CNTLN: variants seen among roughly 807,000 people sequenced by gnomAD.
CNTLN encodes centlein, also known as centlein, centrosomal protein.
In CNTLN, 212 loss-of-function variants were observed where a neutral mutation model predicts 180.0. That is an observed-to-expected ratio of 1.18 (90% CI 1.05 to 1.32). CNTLN has a LOEUF of 1.32. Ranked by LOEUF, CNTLN falls within the 40% of genes most tolerant of loss-of-function variation. CNTLN has a pLI of 0.00. For synonymous variants in CNTLN, 722 were observed against 563.1 expected (o/e 1.28, Z -3.99); for missense variants, 2,095 against 1,610.9 (o/e 1.30, Z -5.14).
intron 5 of CNTLN, among the ~76,000 whole-genome samples, chr9:17,249,620 A>C (rs922202486): frequency 6.6e-6 from 1 of 151,986 alleles, no homozygotes; most frequent in African/African-American, 2.4e-5. Flanking sequence ...AAGTGCTGGG[A>C]TTACAGGCAC....
Position 17,338,338 on chromosome 9 carries a change from T to TTTTTTTTG in CNTLN, c.1645-2482_1645-2481insGTTTTTTT, listed in dbSNP as rs1554692004. Among the ~76,000 whole-genome samples, 12 of 23,738 alleles carry TTTTTTTTG rather than the reference T, an allele frequency of 5.1e-4. 1 individual carries two copies. In the East Asian group the frequency reaches 9.7e-3, roughly 19 times the overall value. The allele number at this position is 23,738 out of a possible 152,430, so 15.6% of individuals were successfully genotyped here. ...TGCTATCACTCCTGGCTAATTTTTGTTTTTTTTTTTTTTTTTTAGAGATGG... is the reference window on the plus strand; with the variant it reads ...TGCTATCACTCCTGGCTAATTTTTGTTTTTTTTGTTTTTTTTTTTTTTTTTAGAGATGG... On this transcript the variant is annotated intron_variant, in intron 10 of 25. Transcript: ENST00000380647.
chr9:17,424,553 T>C (rs1587958287), intron 18 of CNTLN, among the ~76,000 whole-genome samples: 1 of 152,200 alleles, frequency 6.6e-6, no homozygotes, highest in African/African-American at 2.4e-5. Flanking sequence ...TAGCACACTT[T>C]TTAGAAAGTC....
At chr9:17,307,408 A>G (rs757767388) in intron 7 of CNTLN, among the ~76,000 whole-genome samples, 1 of 152,014 alleles carries the variant, frequency 6.6e-6, no homozygotes, top group Non-Finnish European at 1.5e-5. Flanking sequence ...AGCTGGGACT[A>G]CAGGTGCATG....
In CNTLN at chr9:17,236,549, T is replaced by G. The variant is rs775501020; in HGVS notation, c.810T>G (p.His270Gln). Residue 270 changes from histidine to glutamine, a missense_variant, in exon 5 of 26, where the codon CAT becomes CAG. Transcript: ENST00000380647. ...AGAAATTGAGGAAGCAGGAAGCACA[T>G]TTGAGAAAAGAAAAATATAGCACTG... is the stretch of plus-strand genomic sequence containing the variant. ...DLEKLRKQEA[H>Q]LRKEKYSTDA... 1 of 1,613,064 alleles carries G rather than the reference T, an allele frequency of 6.2e-7. No individual in the cohort carries two copies. Among genetic ancestry groups the G allele is most frequent in the Non-Finnish European group, 8.5e-7 (1 of 1,179,600 alleles).
intron 13 of CNTLN, among the ~76,000 whole-genome samples, chr9:17,370,194 C>T (rs983446858): frequency 6.6e-6 from 1 of 151,998 alleles, no homozygotes; most frequent in Admixed American, 6.6e-5. Context: ...TAACAATATT[C>T]AACTATGAGA....
At chr9:17,240,376 C>T (rs1333813894) in intron 5 of CNTLN, among the ~76,000 whole-genome samples, 1 of 151,830 alleles carries the variant, frequency 6.6e-6, no homozygotes, top group African/African-American at 2.4e-5. Context: ...TTAAGACTTT[C>T]TACGTATCAT....
intron 18 of CNTLN, among the ~76,000 whole-genome samples, chr9:17,453,299 C>G (rs1530322): frequency 0.012 from 1,750 of 151,958 alleles, 34 homozygotes; most frequent in African/African-American, 0.04. Context: ...GGCAATAGAG[C>G]AAGACCTCAT....
intron 25 of CNTLN, among the ~76,000 whole-genome samples, chr9:17,502,301 G>A (rs1833791509): frequency 6.6e-6 from 1 of 152,172 alleles, no homozygotes; most frequent in East Asian, 1.9e-4. Flanking sequence ...AACATGGTCA[G>A]TAAACCATGA....
At chr9:17,478,665 G>T (rs1033290102) in intron 23 of CNTLN, among the ~76,000 whole-genome samples, 4 of 151,910 alleles carry the variant, frequency 2.6e-5, no homozygotes, top group Non-Finnish European at 4.4e-5. Context: ...GCTGATTTTT[G>T]TCTGTGGTGT....
At chr9:17,475,740 G>C (rs1049005860) in intron 23 of CNTLN, among the ~76,000 whole-genome samples, 1 of 151,980 alleles carries the variant, frequency 6.6e-6, no homozygotes, top group Non-Finnish European at 1.5e-5. Context: ...GGGCATGGTG[G>C]TGGGCACCTG....
In CNTLN at chr9:17,346,246, C is replaced by G. The variant is rs115664903; in HGVS notation, c.1886+3802C>G. ...CAGATCTCACTAGCATGAGAACACA[C>G]CAGCATGAGATCTCACTAGCATGAG... On this transcript the variant is annotated intron_variant, in intron 12 of 25. Transcript: ENST00000380647. Among the ~76,000 whole-genome samples, 231 of 152,050 alleles carry G rather than the reference C, an allele frequency of 1.5e-3. 1 individual carries two copies. The highest frequency in any genetic ancestry group is 5.4e-3 in the African/African-American group (223 of 41,492).
At chr9:17,144,291 T>A (rs527517821) in intron 2 of CNTLN, among the ~76,000 whole-genome samples, 1 of 152,196 alleles carries the variant, frequency 6.6e-6, no homozygotes, top group Non-Finnish European at 1.5e-5. Context: ...CTCATGTTGC[T>A]TGTACGTCTA....
At chr9:17,321,538 T>C (rs1303380881) in intron 8 of CNTLN, among the ~76,000 whole-genome samples, 1 of 152,134 alleles carries the variant, frequency 6.6e-6, no homozygotes, top group Non-Finnish European at 1.5e-5. Context: ...GTAAGAGCAG[T>C]AAAGAATTAA....
At position 17,389,463 on chromosome 9, in the gene CNTLN, T is replaced by A. The variant is rs1825933185; in HGVS notation, c.2079+1210T>A. Among the ~76,000 whole-genome samples the A allele has an allele frequency of 2.0e-5, 3 of 152,180 alleles. No homozygotes were observed. In the South Asian group the frequency reaches 6.2e-4, roughly 32 times the overall value. On this transcript the variant is annotated intron_variant, in intron 14 of 25. Transcript: ENST00000380647. ...GGGTAGAAACCCTGAAGAAAGCCAT[T>A]ATTTCATTCCATCTGCCATAAATGA... is the stretch of plus-strand genomic sequence containing the variant.
At chr9:17,313,059 T>G (rs1192789395) in intron 8 of CNTLN, among the ~76,000 whole-genome samples, 1 of 152,212 alleles carries the variant, frequency 6.6e-6, no homozygotes, top group Non-Finnish European at 1.5e-5. Flanking sequence ...GAACCCTTTC[T>G]CATTATAAAA....
At chr9:17,250,659 C>G (rs960286515) in intron 5 of CNTLN, among the ~76,000 whole-genome samples, 1 of 151,966 alleles carries the variant, frequency 6.6e-6, no homozygotes, top group African/African-American at 2.4e-5. Flanking sequence ...ATTGTTGTCA[C>G]AAGTTATATC....
intron 2 of CNTLN, among the ~76,000 whole-genome samples, chr9:17,151,560 G>A (rs552793209): frequency 6.6e-6 from 1 of 151,796 alleles, no homozygotes; most frequent in East Asian, 1.9e-4. Flanking sequence ...GATTTGGTTT[G>A]CCACTATTTT....
chr9:17,480,013 C>T (rs1001861213), intron 23 of CNTLN, among the ~76,000 whole-genome samples: 2 of 152,050 alleles, frequency 1.3e-5, no homozygotes, highest in African/African-American at 4.8e-5. Context: ...TGAAATCAAT[C>T]ATGGTGCATA....
chr9:17,466,676 T>C (rs1229642212), intron 22 of CNTLN, 30 bp from the exon 23 acceptor site: 2 of 1,553,758 alleles, frequency 1.3e-6, no homozygotes, highest in Non-Finnish European at 1.7e-6. Flanking sequence ...ATAAAATATC[T>C]TTTATTTTAT....
Sources: gnomAD v4.1 joint callset for allele counts (sites outside exome capture counted in the v4.1 genomes callset) on GRCh38, gnomAD v4.1.1 for gene constraint, MANE v1.5 for transcripts, NCBI Gene and HGNC (gene_info 2026-07-23, HGNC 2026-07-21) for gene names.